IGSF10: variants seen among roughly 807,000 people sequenced by gnomAD.
IGSF10 encodes calvaria mechanical force protein 608.
Under a neutral mutation model 128.2 loss-of-function variants are expected in IGSF10, and 126 were observed. That is an observed-to-expected ratio of 0.98 (90% CI 0.85 to 1.14). The LOEUF (loss-of-function observed/expected upper bound fraction) is 1.14, where lower values mean the gene tolerates loss of function less well. Among genes scored for constraint, IGSF10 ranks in the 50% most tolerant of loss-of-function variants. IGSF10 has a pLI of 0.00. For synonymous variants in IGSF10, 1,185 were observed against 1,146.2 expected, an observed-to-expected ratio of 1.03 and a Z score of -0.68; for missense variants, 3,295 against 3,149.8, an observed-to-expected ratio of 1.05 and a Z score of -1.10.
chr3:151,520,579 A>G, the IGSF10 span, among the ~76,000 whole-genome samples: 1 of 151,854 alleles, frequency 6.6e-6, no homozygotes, highest in Admixed American at 6.6e-5. Flanking sequence ...CCTATATTCA[A>G]TATCTTTAAA....
At chr3:151,502,273 AAG>A in the IGSF10 span, among the ~76,000 whole-genome samples, 1 of 152,008 alleles carries the variant, frequency 6.6e-6, no homozygotes, top group South Asian at 2.1e-4. Context: ...TATCAACAAC[AAG>A]TTCAGGAAAA....
At position 151,436,635 on chromosome 3, in the gene IGSF10, A is replaced by ACTT; in HGVS notation, c.*51_*53dup. On this transcript the variant is annotated 3_prime_UTR_variant, in exon 8 of 8. Transcript: ENST00000282466. ...CATGCCTATGGCTGCCTTTGATTAAACTTCTTCCAAAAAATAAATTCTGCC... is the reference window on the plus strand; with the variant it reads ...CATGCCTATGGCTGCCTTTGATTAAACTTCTTCTTCCAAAAAATAAATTCTGCC... The ACTT allele has an allele frequency of 1.5e-6, 2 of 1,319,082 alleles. No individual in the cohort carries two copies. Among genetic ancestry groups the ACTT allele is most frequent in the Non-Finnish European group, 2.1e-6 (2 of 952,306 alleles). The allele number at this position is 1,319,082 out of a possible 1,614,324, so 81.7% of individuals were successfully genotyped here.
the IGSF10 span, among the ~76,000 whole-genome samples, chr3:151,546,914 G>A: frequency 5.3e-5 from 8 of 152,120 alleles, no homozygotes; most frequent in East Asian, 1.5e-3. Context: ...GGTATTACAG[G>A]CAACTGCCAC....
chr3:151,575,760 A>T, the IGSF10 span, among the ~76,000 whole-genome samples: 1 of 152,128 alleles, frequency 6.6e-6, no homozygotes, highest in Non-Finnish European at 1.5e-5. Flanking sequence ...AATGAGATGA[A>T]CCAGGTACCT....
chr3:151,537,533 C>T, the IGSF10 span, among the ~76,000 whole-genome samples: 1 of 152,128 alleles, frequency 6.6e-6, no homozygotes, highest in African/African-American at 2.4e-5. Context: ...CCATCATGTA[C>T]ATGATGCTAT....
At chr3:151,480,675 C>T in the IGSF10 span, among the ~76,000 whole-genome samples, 1 of 152,010 alleles carries the variant, frequency 6.6e-6, no homozygotes, top group South Asian at 2.1e-4. Flanking sequence ...CACCCCCAAG[C>T]AGAGCTGCTT....
At chr3:151,496,557 T>TGTA in the IGSF10 span, among the ~76,000 whole-genome samples, 13 of 55,042 alleles carry the variant, frequency 2.4e-4, no homozygotes, top group African/African-American at 3.6e-4. Context: ...TATTCCATGG[T>TGTA]TTCCTTAATC....
Position 151,437,814 on chromosome 3 carries a change from G to A in IGSF10, c.6747C>T (p.Ala2249=). ...GTTTTTTGGAATGTCTCACAGCTGT[G>A]GCTTTAATAACAGTTCTGTTTGTAT... ...GLYTNRTVIK[A]TAVRHSKKHF... The change falls in exon 8 of 8, where the codon GCC becomes GCT. Residue 2249 remains alanine, a synonymous_variant. Transcript: ENST00000282466. 1 of 1,613,854 alleles carries A rather than the reference G, an allele frequency of 6.2e-7. No individual in the cohort carries two copies. Among genetic ancestry groups the A allele is most frequent in the South Asian group, 1.1e-5 (1 of 91,080 alleles).
chr3:151,457,182 A>T, intron 3 of IGSF10, 27 bp from the exon 4 acceptor site: 1 of 1,611,378 alleles, frequency 6.2e-7, no homozygotes, highest in Non-Finnish European at 8.5e-7. Flanking sequence ...CATTCTAGGC[A>T]TAAGCTAAGT....
the IGSF10 span, among the ~76,000 whole-genome samples, chr3:151,522,936 A>G: frequency 6.6e-6 from 1 of 152,178 alleles, no homozygotes; most frequent in Admixed American, 6.6e-5. Flanking sequence ...AGAAAACCTC[A>G]TAGTCTCAAC....
chr3:151,453,804 G>GT (rs1402780973), intron 4 of IGSF10, 30 bp from the exon 5 acceptor site: 6 of 1,350,046 alleles, frequency 4.4e-6, no homozygotes, highest in Non-Finnish European at 6.1e-6. Flanking sequence ...ACATATTTAT[G>GT]TTGTCAAAGG....
In IGSF10 at chr3:151,437,220, TCCACTGATGC is replaced by T; in HGVS notation, c.7331_7340del (p.Gly2444GlufsTer27). On this transcript the variant is annotated frameshift_variant, in exon 8 of 8. Transcript: ENST00000282466. LOFTEE classifies it low-confidence loss of function (END_TRUNC). The stretch of plus-strand genomic sequence containing the variant: ...ACACACAATGCAGTGATAGAGATTC[TCCACTGATGC>T]CTTTTACTGTCCCTGGTGCATAGGT... 1 of 1,614,228 alleles carries T rather than the reference TCCACTGATGC, an allele frequency of 6.2e-7. No individual in the cohort carries two copies. The highest frequency in any genetic ancestry group is 8.5e-7 in the Non-Finnish European group (1 of 1,180,036).
chr3:151,558,220 A>C, the IGSF10 span, among the ~76,000 whole-genome samples: 1 of 150,562 alleles, frequency 6.6e-6, no homozygotes, highest in Non-Finnish European at 1.5e-5. Context: ...GAAAGGCCTT[A>C]AGTGTCCAGT....
chr3:151,491,138 A>G, the IGSF10 span, among the ~76,000 whole-genome samples: 1 of 152,138 alleles, frequency 6.6e-6, no homozygotes, highest in African/African-American at 2.4e-5. Context: ...ACAAAAATAA[A>G]TAAAACAGAA....
the IGSF10 span, among the ~76,000 whole-genome samples, chr3:151,512,837 T>C: frequency 1.3e-5 from 2 of 152,088 alleles, no homozygotes; most frequent in Admixed American, 1.3e-4. Context: ...TACAAACACC[T>C]CTATGCAAAT....
In IGSF10 at chr3:151,437,828, T is replaced by C; in HGVS notation, c.6733A>G (p.Thr2245Ala). The stretch of plus-strand genomic sequence containing the variant: ...CTCACAGCTGTGGCTTTAATAACAG[T>C]TCTGTTTGTATACAGACCATTGATT... ...PLINGLYTNR[T>A]VIKATAVRHS... The change falls in exon 8 of 8, where the codon ACT becomes GCT. Residue 2245 changes from threonine to alanine, a missense_variant. By Grantham distance (58) the Thr-to-Ala change is moderately conservative. Transcript: ENST00000282466. The C allele has an allele frequency of 6.2e-7, 1 of 1,614,014 alleles. No homozygotes were observed. The highest frequency in any genetic ancestry group is 8.5e-7 in the Non-Finnish European group (1 of 1,180,014).
the IGSF10 span, among the ~76,000 whole-genome samples, chr3:151,554,132 T>TCACACACACA: frequency 6.8e-6 from 1 of 147,334 alleles, no homozygotes; most frequent in East Asian, 2.0e-4. Context: ...CAGAGTGAGA[T>TCACACACACA]CACACACACA....
the IGSF10 span, among the ~76,000 whole-genome samples, chr3:151,584,161 A>G: frequency 6.6e-6 from 1 of 152,178 alleles, no homozygotes; most frequent in East Asian, 1.9e-4. Flanking sequence ...GAATTTTTAT[A>G]TCTTCCTGGT....
chr3:151,511,440 T>C, the IGSF10 span, among the ~76,000 whole-genome samples: 9 of 152,212 alleles, frequency 5.9e-5, no homozygotes, highest in African/African-American at 1.9e-4. Context: ...CTATCAGGCC[T>C]GCCCTAAAAG....
Sources: gnomAD v4.1 joint callset for allele counts (sites outside exome capture counted in the v4.1 genomes callset) on GRCh38, gnomAD v4.1.1 for gene constraint, MANE v1.5 for transcripts, NCBI Gene and HGNC (gene_info 2026-07-23, HGNC 2026-07-21) for gene names.